PSMD11: variants seen among roughly 807,000 people sequenced by gnomAD.
The protein encoded by PSMD11 is proteasome 26S subunit, non-ATPase 11.
In PSMD11, 5 loss-of-function variants were observed where a neutral mutation model predicts 62.3. The observed-to-expected ratio is 0.08, with a 90% CI of 0.04 to 0.17. PSMD11 has a LOEUF of 0.17. PSMD11 is among the 10% of genes least tolerant of loss of function. PSMD11 has a pLI of 1.00. For synonymous variants in PSMD11, 191 were observed against 191.8 expected (o/e 1.00, Z 0.03); for missense variants, 310 against 512.9 (o/e 0.60, Z 3.82).
Position 32,474,871 on chromosome 17 carries a change from G to A in PSMD11, c.849+47G>A, listed in dbSNP as rs192818304. The A allele has an allele frequency of 2.1e-5, 33 of 1,539,770 alleles. No homozygotes were observed. The Admixed American group carries it at 5.3e-4, about 25-fold the overall frequency. ...GTTCTGCTCACTCTGAGACCAGCAT[G>A]TTTTCAGAGTCACAACGTTTGATGA... is the stretch of plus-strand genomic sequence containing the variant. On this transcript the variant is annotated intron_variant, in intron 8 of 13. Coordinates refer to ENST00000261712, the MANE Select transcript of PSMD11 (RefSeq NM_002815.4).
At chr17:32,463,975 C>T in intron 3 of PSMD11, 74 bp from the exon 4 acceptor site, 3 of 1,347,524 alleles carry the variant, frequency 2.2e-6, no homozygotes, top group Non-Finnish European at 3.2e-6. Context: ...GGAATTTAAG[C>T]TGTTCTCCAA....
At chr17:32,462,283 C>A (rs1357189695) in intron 3 of PSMD11, among the ~76,000 whole-genome samples, 1 of 152,164 alleles carries the variant, frequency 6.6e-6, no homozygotes, top group African/African-American at 2.4e-5. Flanking sequence ...CCTTTGAAGT[C>A]ATGTAGAACT....
chr17:32,474,964 C>G (rs1306526392), intron 8 of PSMD11, 140 bp downstream of exon 8: 1 of 793,682 alleles, frequency 1.3e-6, no homozygotes, highest in East Asian at 2.7e-5. Flanking sequence ...TCCCTTAAGC[C>G]CATTCAGTGT....
At chr17:32,469,572 C>T (rs1908099827) in intron 6 of PSMD11, among the ~76,000 whole-genome samples, 2 of 152,170 alleles carry the variant, frequency 1.3e-5, no homozygotes, top group Admixed American at 6.5e-5. Flanking sequence ...TCCAAAGGGC[C>T]TCAAATCAGG....
At chr17:32,461,050 G>A (rs1160208932) in intron 3 of PSMD11, among the ~76,000 whole-genome samples, 1 of 152,026 alleles carries the variant, frequency 6.6e-6, no homozygotes, top group Non-Finnish European at 1.5e-5. Flanking sequence ...AACTTTTCTG[G>A]TATAGTCTAC....
At chr17:32,450,204 A>G (rs1220963505) in intron 2 of PSMD11, among the ~76,000 whole-genome samples, 2 of 150,344 alleles carry the variant, frequency 1.3e-5, no homozygotes, top group African/African-American at 2.4e-5. Flanking sequence ...CAAATGATCC[A>G]CCCACCTCAG....
chr17:32,479,649 G>T (rs374207777), intron 10 of PSMD11: 11 of 711,928 alleles, frequency 1.5e-5, no homozygotes, highest in Admixed American at 2.8e-5. Flanking sequence ...TGTATTGGGT[G>T]TGTGGGATAA....
At chr17:32,445,788 G>T (rs1266983446) in intron 1 of PSMD11, 1 of 152,220 alleles carries the variant, frequency 6.6e-6, no homozygotes, top group Non-Finnish European at 1.5e-5. Context: ...ACAATGACAA[G>T]ATCTTGATAC....
intron 8 of PSMD11, 35 bp downstream of exon 8, chr17:32,474,859 T>TG (rs1567858230): frequency 6.3e-7 from 1 of 1,580,636 alleles, no homozygotes; most frequent in Non-Finnish European, 8.7e-7. Context: ...CTGCTCACTC[T>TG]GAGACCAGCA....
chr17:32,461,659 A>C (rs761664480), intron 3 of PSMD11, among the ~76,000 whole-genome samples: 5 of 151,834 alleles, frequency 3.3e-5, no homozygotes, highest in Admixed American at 3.3e-4. Context: ...TCCTTGCTGT[A>C]GGAGAAACAT....
At chr17:32,462,754 T>A (rs1486791863) in intron 3 of PSMD11, among the ~76,000 whole-genome samples, 1 of 152,176 alleles carries the variant, frequency 6.6e-6, no homozygotes, top group Admixed American at 6.5e-5. Flanking sequence ...TGGTGCGATC[T>A]CGGCTCACCG....
intron 11 of PSMD11, 120 bp from the exon 12 acceptor site, chr17:32,480,026 G>T: frequency 1.4e-6 from 2 of 1,475,162 alleles, no homozygotes; most frequent in Non-Finnish European, 1.9e-6. Flanking sequence ...AGTAGGAGTT[G>T]CATTGTTGCT....
chr17:32,473,957 T>G lies in PSMD11; in HGVS notation c.788+12T>G. ...ATCATGCTCAACACGTAGGTGCACC[T>G]TAACTCTGGACTACAAGAACTCAGA... is the stretch of plus-strand genomic sequence containing the variant. On this transcript the variant is annotated intron_variant, in intron 7 of 13. Coordinates refer to ENST00000261712, the MANE Select transcript of PSMD11 (RefSeq NM_002815.4). The G allele has an allele frequency of 6.2e-7, 1 of 1,613,668 alleles. No homozygotes were observed. The highest frequency in any genetic ancestry group is 1.1e-5 in the South Asian group (1 of 91,042).
At chr17:32,463,419 A>T (rs1907901081) in intron 3 of PSMD11, 1 of 152,156 alleles carries the variant, frequency 6.6e-6, no homozygotes, top group Admixed American at 6.5e-5. Flanking sequence ...GAAAGAGTAG[A>T]TCAGGAGCTC....
At chr17:32,458,450 T>C (rs1386980852) in intron 3 of PSMD11, among the ~76,000 whole-genome samples, 1 of 152,224 alleles carries the variant, frequency 6.6e-6, no homozygotes, top group East Asian at 1.9e-4. Flanking sequence ...CATAGTCTTA[T>C]CTCAAGTTCT....
At chr17:32,459,062 T>C (rs1361307604) in intron 3 of PSMD11, among the ~76,000 whole-genome samples, 1 of 142,944 alleles carries the variant, frequency 7.0e-6, no homozygotes, top group African/African-American at 2.6e-5. Flanking sequence ...GCCACTGCAC[T>C]CCAGCCCGGG....
chr17:32,463,121 A>C (rs1256313044), intron 3 of PSMD11, among the ~76,000 whole-genome samples: 1 of 152,236 alleles, frequency 6.6e-6, no homozygotes, highest in African/African-American at 2.4e-5. Context: ...TAAAACTTGC[A>C]GTAACCAAAG....
chr17:32,446,924 GTTTGCA>G lies in PSMD11; in HGVS notation c.92-17_92-12del. Reference sequence around the variant, plus strand: ...ATTTTTTGGTCAGAATTTTAAGAGGGTTTGCATTTTCCTCTCCCAGTGAAGCGTGAC... The same window carrying G: ...ATTTTTTGGTCAGAATTTTAAGAGGGTTTTCCTCTCCCAGTGAAGCGTGAC... On this transcript the variant is annotated splice_polypyrimidine_tract_variant and intron_variant, in intron 1 of 13. Coordinates refer to ENST00000261712, the MANE Select transcript of PSMD11 (RefSeq NM_002815.4). 2 of 1,571,634 alleles carry G rather than the reference GTTTGCA, an allele frequency of 1.3e-6. No individual in the cohort carries two copies. Among genetic ancestry groups the G allele is most frequent in the South Asian group, 2.2e-5 (2 of 89,376 alleles).
At chr17:32,454,296 G>T (rs1247772095) in intron 2 of PSMD11, among the ~76,000 whole-genome samples, 199 bp from the exon 3 acceptor site, 1 of 152,214 alleles carries the variant, frequency 6.6e-6, no homozygotes, top group Non-Finnish European at 1.5e-5. Flanking sequence ...GGAACAGAAT[G>T]CAAATTTGGT....
Sources: gnomAD v4.1 joint callset for allele counts (sites outside exome capture counted in the v4.1 genomes callset) on GRCh38, gnomAD v4.1.1 for gene constraint, MANE v1.5 for transcripts, NCBI Gene and HGNC (gene_info 2026-07-23, HGNC 2026-07-21) for gene names.